Variants in GAS7 observed in about 807,000 individuals in gnomAD.
The protein encoded by GAS7 is growth arrest specific 7, also known as growth arrest-specific protein 7.
Under a neutral mutation model 71.1 loss-of-function variants are expected in GAS7, and 28 were observed. The observed-to-expected ratio is 0.39, with a 90% CI of 0.29 to 0.54. GAS7 has a LOEUF of 0.54. GAS7 is among the 20% of genes least tolerant of loss of function. GAS7 has a pLI of 0.62. For missense variants in GAS7, 436 were observed against 627.8 expected (o/e 0.69, Z 3.27); for synonymous variants, 258 against 245.8 (o/e 1.05, Z -0.46).
chr17:10,035,292 G>T (rs1364968417), intron 1 of GAS7, among the ~76,000 whole-genome samples: 4 of 152,106 alleles, frequency 2.6e-5, no homozygotes, highest in Non-Finnish European at 5.9e-5. Flanking sequence ...CCTCACAGCA[G>T]CAAATCTCCA....
At chr17:10,198,073 T>G in intron 1 of GAS7, 135 bp downstream of exon 1, 1 of 765,542 alleles carries the variant, frequency 1.3e-6, no homozygotes, top group Non-Finnish European at 2.1e-6. Flanking sequence ...GAGCTACAGG[T>G]AGCGCCGGCA....
intron 5 of GAS7, among the ~76,000 whole-genome samples, chr17:9,951,375 C>T (rs982946291): frequency 3.3e-5 from 5 of 152,318 alleles, no homozygotes; most frequent in South Asian, 2.1e-4. Context: ...GCCTGCCCTG[C>T]GGGCATCTCT....
intron 2 of GAS7, among the ~76,000 whole-genome samples, chr17:10,011,512 G>C (rs771171239): frequency 2.0e-5 from 3 of 152,158 alleles, no homozygotes; most frequent in Non-Finnish European, 2.9e-5. Context: ...GACCGGCTGG[G>C]ACTCTGCATT....
At chr17:10,024,469 C>G (rs2072390658) in intron 1 of GAS7, among the ~76,000 whole-genome samples, 1 of 152,164 alleles carries the variant, frequency 6.6e-6, no homozygotes, top group African/African-American at 2.4e-5. Context: ...GACACAGGCC[C>G]GGGGGCTGGG....
chr17:10,154,895 C>T (rs2074192846), intron 1 of GAS7, among the ~76,000 whole-genome samples: 2 of 141,710 alleles, frequency 1.4e-5, no homozygotes, highest in Admixed American at 7.5e-5. Flanking sequence ...ACCATTACCC[C>T]AATCCCCAAC....
At chr17:10,133,236 T>C (rs2074013238) in intron 1 of GAS7, among the ~76,000 whole-genome samples, 1 of 151,792 alleles carries the variant, frequency 6.6e-6, no homozygotes, top group Non-Finnish European at 1.5e-5. Flanking sequence ...GATTCTCCTA[T>C]CTCAGTCTCC....
chr17:10,191,743 T>C (rs1269081565), intron 1 of GAS7, among the ~76,000 whole-genome samples: 1 of 151,088 alleles, frequency 6.6e-6, no homozygotes, highest in Non-Finnish European at 1.5e-5. Flanking sequence ...GGCATGGTGG[T>C]GGAAGCCTGT....
rs148778840 is a variant in GAS7, at chr17:9,942,567, TGG to T, written c.731+552_731+553del. Among the ~76,000 whole-genome samples the T allele has an allele frequency of 4.4e-3, 673 of 152,296 alleles. 1 individual carries two copies. Among genetic ancestry groups the T allele is most frequent in the Non-Finnish European group, 6.8e-3 (463 of 68,028 alleles). ...ACTGTTATAATCCTTGAGGCAGGGA[TGG>T]GGTAGGAGGAGGGTTCAACATCTCC... On this transcript the variant is annotated intron_variant, in intron 7 of 13. Coordinates refer to ENST00000432992, the MANE Select transcript of GAS7 (RefSeq NM_201433.2).
chr17:10,081,112 T>G (rs557109362), intron 1 of GAS7, among the ~76,000 whole-genome samples: 62 of 152,256 alleles, frequency 4.1e-4, no homozygotes, highest in Non-Finnish European at 7.8e-4. Flanking sequence ...CAAAAATCTT[T>G]AAAACTTTCA....
At chr17:9,982,824 GGAAAGAAAGAAA>G (rs56351503) in intron 2 of GAS7, among the ~76,000 whole-genome samples, 1,667 of 116,264 alleles carry the variant, frequency 0.014, 13 homozygotes, top group Non-Finnish European at 0.02. Context: ...AGGAAAGAAA[GGAAAGAAAGAAA>G]GAAAGAAAGA....
At chr17:9,957,954 G>A (rs1039698104) in intron 5 of GAS7, among the ~76,000 whole-genome samples, 9 of 152,202 alleles carry the variant, frequency 5.9e-5, no homozygotes, top group Non-Finnish European at 1.3e-4. Flanking sequence ...CGTGAGCAAG[G>A]TGCGGCTCTG....
chr17:10,186,128 T>C (rs1597842501), intron 1 of GAS7, among the ~76,000 whole-genome samples: 4 of 49,616 alleles, frequency 8.1e-5, no homozygotes, highest in Admixed American at 7.8e-4. Flanking sequence ...ATTTTTTGTA[T>C]TTTTTTTTTT....
At chr17:9,921,627 TA>T (rs1201500568) in intron 11 of GAS7, among the ~76,000 whole-genome samples, 2 of 152,070 alleles carry the variant, frequency 1.3e-5, no homozygotes, top group Non-Finnish European at 2.9e-5. Flanking sequence ...TGGAACTTTT[TA>T]GAACAGTATT....
intron 1 of GAS7, among the ~76,000 whole-genome samples, chr17:10,083,895 A>T (rs143876605): frequency 6.6e-6 from 1 of 152,232 alleles, no homozygotes; most frequent in African/African-American, 2.4e-5. Flanking sequence ...GTAGGGATCA[A>T]TCAGAGGAAA....
At chr17:10,138,761 C>G (rs552117161) in intron 1 of GAS7, among the ~76,000 whole-genome samples, 34 of 151,336 alleles carry the variant, frequency 2.2e-4, no homozygotes, top group Non-Finnish European at 4.6e-4. Context: ...AGAGAGACTC[C>G]GTCTCAAAAA....
rs192520687 is a variant in GAS7 at position 10,045,020 on chromosome 17, G to C, written c.184-25123C>G. ...CGTGCCACTGCACTCCAGCCCGGGC[G>C]ACAGAGCGAGACTCCATCTCAAAAA... On this transcript the variant is annotated intron_variant, in intron 1 of 13. Transcript: ENST00000432992. 5.6e-3 allele frequency among the ~76,000 whole-genome samples: 769 copies of C among 137,368 alleles called. 21 individuals are homozygous for C. In the East Asian group the frequency reaches 0.1, roughly 19 times the overall value. The allele number at this position is 137,368 out of a possible 152,430, so 90.1% of individuals were successfully genotyped here. A position where few individuals can be genotyped will look rare whatever the true frequency, so the allele number is the denominator to read the frequency against.
intron 1 of GAS7, among the ~76,000 whole-genome samples, chr17:10,190,467 C>A (rs1458667380): frequency 6.6e-6 from 1 of 151,560 alleles, no homozygotes. Context: ...CCTGTAATAG[C>A]TACTCAGGAG....
chr17:10,085,905 G>A lies in GAS7; in HGVS notation c.184-66008C>T, dbSNP rs569505577. ...CTCCTGAGTGACAGAGCCAGAATTG[G>A]AGCCAAATCTGTCTAACTTGAAAAA... is the stretch of plus-strand genomic sequence containing the variant. On this transcript the variant is annotated intron_variant, in intron 1 of 13. Transcript: ENST00000432992. Among the ~76,000 whole-genome samples the A allele has an allele frequency of 3.9e-5, 6 of 152,232 alleles. No individual in the cohort carries two copies. The South Asian group carries it at 8.3e-4, about 21-fold the overall frequency.
chr17:10,158,347 A>AC (rs1442026398), intron 1 of GAS7, among the ~76,000 whole-genome samples: 6 of 147,132 alleles, frequency 4.1e-5, no homozygotes, highest in Non-Finnish European at 7.5e-5. Context: ...AAAAAAAAAA[A>AC]AAAAAAAAAA....
Sources: allele counts gnomAD v4.1 joint callset (sites outside exome capture counted in the v4.1 genomes callset), GRCh38; gene constraint gnomAD v4.1.1; transcripts MANE v1.5; gene names NCBI Gene and HGNC (gene_info 2026-07-23, HGNC 2026-07-21).